The following GAREM1 variants were observed in gnomAD, a reference collection of about 807,000 sequenced individuals.
GAREM1 encodes GRB2-associated and regulator of MAPK protein 1.
Under a neutral mutation model 71.3 loss-of-function variants are expected in GAREM1, and 26 were observed. The observed-to-expected ratio is 0.36, with a 90% CI of 0.27 to 0.51. The LOEUF is 0.51. Among genes scored for constraint, GAREM1 ranks in the 20% least tolerant of loss-of-function variants. The pLI is 0.95. For synonymous variants in GAREM1, 440 were observed against 433.2 expected (o/e 1.02, Z -0.20); for missense variants, 1,026 against 1,103.1 (o/e 0.93, Z 0.99).
chr18:32,350,453 TAG>T (rs1445338498), intron 2 of GAREM1, among the ~76,000 whole-genome samples: 1 of 152,134 alleles, frequency 6.6e-6, no homozygotes, highest in Non-Finnish European at 1.5e-5. Context: ...TCTTTAAAAA[TAG>T]AGTCAGGGTC....
rs144586255 is a variant in GAREM1, at chr18:32,401,107, T to C, written c.122-8072A>G. ...AACAAACACTGCATGTTCTCACTCA[T>C]AGGTAGGAACTGAACAATGAGAACA... On this transcript the variant is annotated intron_variant, in intron 1 of 5. Coordinates refer to ENST00000269209, the MANE Select transcript of GAREM1 (RefSeq NM_001242409.2). 2.3e-3 allele frequency among the ~76,000 whole-genome samples: 353 copies of C among 152,098 alleles called. 3 individuals carry two copies. Among genetic ancestry groups the C allele is most frequent in the Admixed American group, 4.1e-3 (63 of 15,274 alleles).
At chr18:32,362,478 A>G (rs2047874548) in intron 2 of GAREM1, among the ~76,000 whole-genome samples, 1 of 152,226 alleles carries the variant, frequency 6.6e-6, no homozygotes, top group Non-Finnish European at 1.5e-5. Flanking sequence ...ATAATAAACA[A>G]CTGCAATGTG....
At chr18:32,371,907 G>T (rs949436694) in intron 2 of GAREM1, among the ~76,000 whole-genome samples, 2 of 152,174 alleles carry the variant, frequency 1.3e-5, no homozygotes, top group Admixed American at 1.3e-4. Flanking sequence ...TAGAAAGCAG[G>T]ATGCATTGAG....
chr18:32,284,293 C>A (rs189473182), intron 4 of GAREM1, among the ~76,000 whole-genome samples: 1 of 152,274 alleles, frequency 6.6e-6, no homozygotes, highest in African/African-American at 2.4e-5. Context: ...TTATAGCAAT[C>A]TACAAACACT....
intron 1 of GAREM1, among the ~76,000 whole-genome samples, chr18:32,465,692 G>T (rs1233950591): frequency 6.6e-6 from 1 of 152,256 alleles, no homozygotes; most frequent in Non-Finnish European, 1.5e-5. Flanking sequence ...TGGGGTACAT[G>T]TTTGGGGCAA....
At chr18:32,438,911 C>T (rs559955481) in intron 1 of GAREM1, among the ~76,000 whole-genome samples, 1 of 152,296 alleles carries the variant, frequency 6.6e-6, no homozygotes, top group South Asian at 2.1e-4. Context: ...GGGATGAGAA[C>T]AGAAGTAGCA....
rs530023542 is a variant in GAREM1, at chr18:32,448,915, G to A, written c.121+21393C>T. 5.8e-4 allele frequency among the ~76,000 whole-genome samples: 89 copies of A among 152,212 alleles called. No individual in the cohort carries two copies. The South Asian group carries it at 0.017, about 30-fold the overall frequency. ...TCATGGTTCTTTTTATTTCAATAGC[G>A]GGATCAGACCTCTCCTTGGTATTTT... is the stretch of plus-strand genomic sequence containing the variant. On this transcript the variant is annotated intron_variant, in intron 1 of 5. Coordinates refer to ENST00000269209, the MANE Select transcript of GAREM1 (RefSeq NM_001242409.2).
Position 32,303,594 on chromosome 18 carries a change from T to C in GAREM1, c.393+6599A>G, listed in dbSNP as rs2047220542. On this transcript the variant is annotated intron_variant, in intron 3 of 5. Transcript: ENST00000269209. Reference sequence around the variant, plus strand: ...CAGCTACTATGTACTGAGTTCTTAATAGTAAGTCACTGGGTAGGAAGTATT... The same window carrying C: ...CAGCTACTATGTACTGAGTTCTTAACAGTAAGTCACTGGGTAGGAAGTATT... Among the ~76,000 whole-genome samples the C allele has an allele frequency of 2.6e-5, 4 of 152,182 alleles. No homozygotes were observed. In the South Asian group the frequency reaches 8.3e-4, roughly 32 times the overall value.
Position 32,466,956 on chromosome 18 carries a change from C to A in GAREM1, c.121+3352G>T, listed in dbSNP as rs1281235087. Among the ~76,000 whole-genome samples, 5 of 152,260 alleles carry A rather than the reference C, an allele frequency of 3.3e-5. No individual in the cohort carries two copies. The East Asian group carries it at 9.6e-4, about 29-fold the overall frequency. ...ATTATTTTGTATTTATCTTATCATA[C>A]AAAGGCAAATTTCACCATCAAGGAT... On this transcript the variant is annotated intron_variant, in intron 1 of 5. Coordinates refer to ENST00000269209, the MANE Select transcript of GAREM1 (RefSeq NM_001242409.2).
chr18:32,373,161 AAAAC>A (rs2048000889), intron 2 of GAREM1, among the ~76,000 whole-genome samples: 1 of 152,220 alleles, frequency 6.6e-6, no homozygotes, highest in Admixed American at 6.5e-5. Flanking sequence ...TGGAGAATGA[AAAAC>A]TAAATAGTCA....
chr18:32,434,108 T>C (rs1329653881), intron 1 of GAREM1, among the ~76,000 whole-genome samples: 2 of 152,090 alleles, frequency 1.3e-5, no homozygotes, highest in Non-Finnish European at 2.9e-5. Flanking sequence ...AATCCAAAAA[T>C]AGATCCACCC....
intron 1 of GAREM1, among the ~76,000 whole-genome samples, chr18:32,429,116 A>T (rs2048601314): frequency 6.6e-6 from 1 of 152,116 alleles, no homozygotes; most frequent in African/African-American, 2.4e-5. Context: ...TAAGTTTCAG[A>T]GTCTCTATCG....
Position 32,287,158 on chromosome 18 carries a change from T to C in GAREM1, c.1439A>G (p.Gln480Arg), listed in dbSNP as rs775778755. The change falls in exon 4 of 6, where the codon CAG becomes CGG. Residue 480 changes from glutamine (Q) to arginine (R), a missense_variant. Physicochemically the swap from Gln to Arg is conservative, Grantham distance 43. Coordinates refer to ENST00000269209, the MANE Select transcript of GAREM1 (RefSeq NM_001242409.2). The surrounding 1 kb of genome is among the most constrained non-coding windows in gnomAD (Gnocchi z 5.9). ...RSLSEKNRCD[Q>R]FRGSVRSKCA... ...TTTGGATCGGACAGAACCTCTAAACTGATCACATCTGTTCTTCTCGCTCAG... is the reference window on the plus strand; with the variant it reads ...TTTGGATCGGACAGAACCTCTAAACCGATCACATCTGTTCTTCTCGCTCAG... 6.2e-7 allele frequency: 1 copy of C among 1,614,236 alleles called. No homozygotes were observed. The highest frequency in any genetic ancestry group is 8.5e-7 in the Non-Finnish European group (1 of 1,180,030).
At chr18:32,420,464 C>T (rs1228657719) in intron 1 of GAREM1, among the ~76,000 whole-genome samples, 1 of 152,054 alleles carries the variant, frequency 6.6e-6, no homozygotes, top group African/African-American at 2.4e-5. Flanking sequence ...CTAATGGTTT[C>T]AACTGCTGCT....
intron 1 of GAREM1, among the ~76,000 whole-genome samples, chr18:32,402,785 T>C (rs1451576350): frequency 6.6e-6 from 1 of 152,170 alleles, no homozygotes; most frequent in Non-Finnish European, 1.5e-5. Flanking sequence ...CTGCCCTTCA[T>C]TAGGCATCAT....
intron 2 of GAREM1, among the ~76,000 whole-genome samples, chr18:32,386,856 A>AGCACTGTGCTGAGCCATTTAC (rs2048152487): frequency 1.3e-5 from 2 of 152,188 alleles, no homozygotes; most frequent in Non-Finnish European, 2.9e-5. Flanking sequence ...CTCACGTGCC[A>AGCACTGTGCTGAGCCATTTAC]GCACTGTGCT....
intron 1 of GAREM1, among the ~76,000 whole-genome samples, chr18:32,437,331 T>A (rs1054759504): frequency 9.2e-5 from 14 of 152,172 alleles, no homozygotes; most frequent in East Asian, 1.9e-4. Flanking sequence ...CAGGGCTTCC[T>A]TCCAGCTACA....
chr18:32,470,338 G>A lies in GAREM1; in HGVS notation c.91C>T (p.Arg31Trp). The A allele has an allele frequency of 1.9e-6, 3 of 1,566,346 alleles. No homozygotes were observed. Among genetic ancestry groups the A allele is most frequent in the East Asian group, 2.5e-5 (1 of 39,262 alleles). ...TCCAGGCGCGCGATCTGGGGCAGCC[G>A]GTAAGTGCTGACCAGGAGGTCGAGC... ...VPLDLLVSTY[R>W]LPQIARLDNG... The change falls in exon 1 of 6, where the codon CGG becomes TGG. Residue 31 changes from arginine (R) to tryptophan (W), a missense_variant. Arg to Trp is a moderately radical substitution (Grantham distance 101). This residue lies in a region of GAREM1 where 172 missense variants were observed against 175.2 expected (regional missense o/e 0.98). Transcript: ENST00000269209. The surrounding 1 kb of genome is among the most constrained non-coding windows in gnomAD (Gnocchi z 4.4).
intron 2 of GAREM1, among the ~76,000 whole-genome samples, chr18:32,357,794 A>C (rs990801082): frequency 2.0e-5 from 3 of 152,254 alleles, no homozygotes; most frequent in African/African-American, 7.2e-5. Flanking sequence ...CTATACAGCT[A>C]TCTCTGGAAC....
Sources: gnomAD v4.1 joint callset for allele counts (sites outside exome capture counted in the v4.1 genomes callset) on GRCh38, gnomAD v4.1.1 for gene constraint, gnomAD v4.1.1 regional missense constraint, Gnocchi (gnomAD v3.1) non-coding constraint, MANE v1.5 for transcripts, NCBI Gene and HGNC (gene_info 2026-07-23, HGNC 2026-07-21) for gene names.